The following FHAD1 variants were observed in gnomAD, a reference collection of about 807,000 sequenced individuals.
The protein encoded by FHAD1 is forkhead associated phosphopeptide binding domain 1.
A neutral mutation model predicts 191.3 loss-of-function variants in FHAD1; 146 were observed. That is an observed-to-expected ratio of 0.76 (90% CI 0.67 to 0.88). FHAD1 has a LOEUF of 0.88. FHAD1 is among the 40% of genes least tolerant of loss of function. FHAD1 has a pLI of 0.00. For missense variants in FHAD1, 1,635 were observed against 1,785.8 expected (o/e 0.92, Z 1.52); for synonymous variants, 616 against 672.3 (o/e 0.92, Z 1.29).
intron 17 of FHAD1, 29 bp from the exon 18 acceptor site, chr1:15,345,387 T>C (rs773786179): frequency 1.3e-6 from 2 of 1,541,238 alleles, no homozygotes; most frequent in African/African-American, 1.4e-5. Flanking sequence ...ATGGTAACCA[T>C]GTCTATTGAA....
At chr1:15,300,628 T>C (rs1668428624) in intron 5 of FHAD1, among the ~76,000 whole-genome samples, 1 of 152,168 alleles carries the variant, frequency 6.6e-6, no homozygotes, top group Non-Finnish European at 1.5e-5. Context: ...AGTGGGATGG[T>C]GGTTCTTAAT....
In FHAD1 at chr1:15,345,434, AC is replaced by A; in HGVS notation, c.2260del (p.Gln754ArgfsTer6). 2 of 1,552,342 alleles carry A rather than the reference AC, an allele frequency of 1.3e-6. No homozygotes were observed. The highest frequency in any genetic ancestry group is 2.0e-5 in the Admixed American group (1 of 51,014). On this transcript the variant is annotated frameshift_variant, in exon 18 of 34. Transcript: ENST00000688493. LOFTEE classifies it high-confidence loss of function. ...GACTCAGGCTTTGGCGAAAAGCATTACCCAGGAGAAGAACAGAGTGAAGGAA... is the reference window on the plus strand; with the variant it reads ...GACTCAGGCTTTGGCGAAAAGCATTACCAGGAGAAGAACAGAGTGAAGGAA... The part of the protein sequence containing the change: ...QQKKALAKSI[T>X]QEKNRVKEAL...
intron 8 of FHAD1, among the ~76,000 whole-genome samples, chr1:15,314,881 G>C (rs1394798999): frequency 6.8e-6 from 1 of 146,938 alleles, no homozygotes; most frequent in Admixed American, 6.8e-5. Flanking sequence ...GTGTGGTATG[G>C]GGGTGCGTGT....
At position 15,380,757 on chromosome 1, in the gene FHAD1, G is replaced by A; in HGVS notation, c.3762G>A (p.Lys1254=). 2 of 1,551,784 alleles carry A rather than the reference G, an allele frequency of 1.3e-6. No homozygotes were observed. Among genetic ancestry groups the A allele is most frequent in the East Asian group, 2.4e-5 (1 of 40,924 alleles). ...RFGSAMEKSG[K]MDVAEALELS... is the part of the protein sequence containing the mutation. ...GCTCAGCCATGGAGAAGTCAGGGAA[G>A]ATGGATGTGGCTGAGGCTTTAGAGC... Residue 1254 remains lysine, a synonymous_variant, in exon 29 of 34, where the codon AAG becomes AAA. Coordinates refer to ENST00000688493, the MANE Select transcript of FHAD1 (RefSeq NM_001391957.1).
At chr1:15,299,356 C>G (rs575766342) in intron 5 of FHAD1, among the ~76,000 whole-genome samples, 1 of 152,328 alleles carries the variant, frequency 6.6e-6, no homozygotes, top group East Asian at 1.9e-4. Context: ...AGTTTCTCCA[C>G]TGTTTCCCTC....
intron 5 of FHAD1, among the ~76,000 whole-genome samples, chr1:15,298,357 G>A (rs898342486): frequency 1.3e-5 from 2 of 152,208 alleles, no homozygotes; most frequent in African/African-American, 4.8e-5. Flanking sequence ...GAGTGATGCA[G>A]TAGACTTTGG....
chr1:15,304,131 G>A (rs545151735), intron 6 of FHAD1, among the ~76,000 whole-genome samples: 2 of 152,346 alleles, frequency 1.3e-5, no homozygotes, highest in Non-Finnish European at 2.9e-5. Flanking sequence ...GAAAGTGTGT[G>A]CATAACGATT....
chr1:15,237,656 C>A (rs1644924969), intron 1 of FHAD1, among the ~76,000 whole-genome samples: 1 of 152,124 alleles, frequency 6.6e-6, no homozygotes, highest in Non-Finnish European at 1.5e-5. Context: ...TTAGAAGGGA[C>A]AATCTTTGAG....
intron 31 of FHAD1, among the ~76,000 whole-genome samples, chr1:15,384,937 G>A (rs1004178312): frequency 6.6e-6 from 1 of 152,000 alleles, no homozygotes; most frequent in African/African-American, 2.4e-5. Context: ...CTACAGAAAC[G>A]GGACCTCAGC....
At chr1:15,239,051 G>C (rs1645079806) in intron 1 of FHAD1, among the ~76,000 whole-genome samples, 1 of 152,174 alleles carries the variant, frequency 6.6e-6, no homozygotes, top group Non-Finnish European at 1.5e-5. Context: ...GAGACTACAA[G>C]TGTGTGCCAC....
intron 23 of FHAD1, chr1:15,364,046 A>C (rs566335234): frequency 3.1e-6 from 1 of 322,202 alleles, no homozygotes; most frequent in East Asian, 8.1e-5. Flanking sequence ...CATGACTTGG[A>C]GAAGACTCAG....
intron 33 of FHAD1, among the ~76,000 whole-genome samples, chr1:15,393,607 CT>C (rs34399811): frequency 1.9e-3 from 267 of 141,982 alleles, no homozygotes; most frequent in Middle Eastern, 7.4e-3. Context: ...CAGTCTTGGG[CT>C]TTTTTTTTTT....
chr1:15,373,867 A>T (rs1444356037), intron 26 of FHAD1, among the ~76,000 whole-genome samples: 2 of 152,150 alleles, frequency 1.3e-5, no homozygotes, highest in Non-Finnish European at 2.9e-5. Context: ...AAACCAAAAC[A>T]AACAACAAAA....
At chr1:15,366,417 G>C (rs3765361) in intron 24 of FHAD1, among the ~76,000 whole-genome samples, 55,584 of 151,692 alleles carry the variant, frequency 0.37, 11,176 homozygotes, top group African/African-American at 0.54. Flanking sequence ...ATTCCTACCC[G>C]CACTGAGTCT....
At chr1:15,373,316 C>T (rs1276098978) in intron 26 of FHAD1, among the ~76,000 whole-genome samples, 1 of 144,890 alleles carries the variant, frequency 6.9e-6, no homozygotes, top group Non-Finnish European at 1.5e-5. Context: ...CGAGACCAGC[C>T]TGGCCAACGT....
At chr1:15,350,569 C>T (rs1041401021) in intron 19 of FHAD1, among the ~76,000 whole-genome samples, 1 of 152,162 alleles carries the variant, frequency 6.6e-6, no homozygotes, top group African/African-American at 2.4e-5. Flanking sequence ...GGGAAGGAAC[C>T]ACAGAGCTTG....
At chr1:15,395,068 C>T (rs1182222516) in intron 33 of FHAD1, among the ~76,000 whole-genome samples, 1 of 152,158 alleles carries the variant, frequency 6.6e-6, no homozygotes, top group Non-Finnish European at 1.5e-5. Flanking sequence ...AATCCCAGCA[C>T]TTTGGGAGGC....
intron 5 of FHAD1, among the ~76,000 whole-genome samples, 195 bp from the exon 6 acceptor site, chr1:15,301,010 A>G (rs1668553436): frequency 6.6e-6 from 1 of 152,012 alleles, no homozygotes; most frequent in Non-Finnish European, 1.5e-5. Flanking sequence ...TTGTATTTTT[A>G]GTAGAGACAG....
chr1:15,374,451 A>G (rs1379034806), intron 26 of FHAD1, 51 bp from the exon 27 acceptor site: 1 of 1,545,626 alleles, frequency 6.5e-7, no homozygotes, highest in Non-Finnish European at 8.8e-7. Context: ...TGAATGTAAG[A>G]GAAATCTTCT....
Sources: gnomAD v4.1 joint callset for allele counts (sites outside exome capture counted in the v4.1 genomes callset) on GRCh38, gnomAD v4.1.1 for gene constraint, MANE v1.5 for transcripts, NCBI Gene and HGNC (gene_info 2026-07-23, HGNC 2026-07-21) for gene names.